CCDC3: variants seen among roughly 807,000 people sequenced by gnomAD.
The protein encoded by CCDC3 is coiled-coil domain containing 3, also known as coiled-coil domain-containing protein 3.
In CCDC3, 24 loss-of-function variants were observed where a neutral mutation model predicts 21.4. That is an observed-to-expected ratio of 1.12 (90% CI 0.81 to 1.58). The LOEUF (loss-of-function observed/expected upper bound fraction) is 1.58. Among genes scored for constraint, CCDC3 ranks in the 40% most tolerant of loss-of-function variants. CCDC3 has a pLI of 0.00. For synonymous variants in CCDC3, 186 were observed against 166.0 expected, an observed-to-expected ratio of 1.12 and a Z score of -0.93; for missense variants, 425 against 360.9, an observed-to-expected ratio of 1.18 and a Z score of -1.44.
At position 12,942,719 on chromosome 10, in the gene CCDC3, C is replaced by G. The variant is rs74118930; in HGVS notation, c.550-44040G>C. Among the ~76,000 whole-genome samples the G allele has an allele frequency of 2.1e-3, 326 of 152,298 alleles. 1 individual carries two copies. Among genetic ancestry groups the G allele is most frequent in the African/African-American group, 7.3e-3 (302 of 41,556 alleles). ...ACACCTGGTCCTACCAATCTTTTGTCCCCTGTGTAAATCAGACACTGCCTC... is the reference window on the plus strand; with the variant it reads ...ACACCTGGTCCTACCAATCTTTTGTGCCCTGTGTAAATCAGACACTGCCTC... On this transcript the variant is annotated intron_variant, in intron 2 of 2. Coordinates refer to ENST00000378825, the MANE Select transcript of CCDC3 (RefSeq NM_031455.4).
rs376808222 is a variant in CCDC3 at position 13,084,786 on chromosome 10, G to C, written c.-502-10686C>G. ...TACAGAGGTCTGAAGATGTGGGGAG[G>C]AGGTGAGCAAAGCCATGAGAAGGAG... On this transcript the variant is annotated intron_variant, in intron 3 of 6. Transcript: ENST00000378839. Among the ~76,000 whole-genome samples the C allele has an allele frequency of 1.4e-4, 21 of 152,272 alleles. No individual in the cohort carries two copies. In the East Asian group the frequency reaches 2.9e-3, roughly 21 times the overall value.
intron 2 of CCDC3, among the ~76,000 whole-genome samples, chr10:12,935,703 T>C (rs1248561067): frequency 6.6e-6 from 1 of 151,796 alleles, no homozygotes; most frequent in Non-Finnish European, 1.5e-5. Flanking sequence ...TCTTGCTCTG[T>C]TGCCGAGGCT....
chr10:13,090,034 G>GATAGATAGATAGATAGATAGATAGATAT (rs1259341208), intron 3 of CCDC3, among the ~76,000 whole-genome samples: 3 of 129,158 alleles, frequency 2.3e-5, no homozygotes, highest in African/African-American at 9.1e-5. Context: ...TATTCCGTTA[G>GATAGATAGATAGATAGATAGATAGATAT]ATATATATAT....
At chr10:13,093,987 C>T (rs1832604594) in intron 3 of CCDC3, among the ~76,000 whole-genome samples, 1 of 152,082 alleles carries the variant, frequency 6.6e-6, no homozygotes, top group Non-Finnish European at 1.5e-5. Flanking sequence ...CCAGCTCTGG[C>T]TAATTAATAC....
intron 3 of CCDC3, among the ~76,000 whole-genome samples, chr10:13,086,234 G>A (rs1340149716): frequency 6.6e-6 from 1 of 152,108 alleles, no homozygotes; most frequent in Admixed American, 6.6e-5. Flanking sequence ...CTTTTACTTG[G>A]TAAATACTTC....
intron 2 of CCDC3, among the ~76,000 whole-genome samples, chr10:12,924,150 G>A (rs1834497377): frequency 6.6e-6 from 1 of 152,170 alleles, no homozygotes; most frequent in Non-Finnish European, 1.5e-5. Context: ...TGAGTTATGG[G>A]GGACCCTTCC....
At chr10:13,044,798 G>A (rs644746) in intron 5 of CCDC3, among the ~76,000 whole-genome samples, 151,442 of 152,326 alleles carry the variant, frequency 0.99, 75,281 homozygotes, top group Middle Eastern at 1. Flanking sequence ...AAATTTTAGA[G>A]TAGCTTTTTT....
intron 4 of CCDC3, among the ~76,000 whole-genome samples, chr10:13,073,437 A>G (rs1438610390): frequency 6.6e-6 from 1 of 152,136 alleles, no homozygotes; most frequent in African/African-American, 2.4e-5. Context: ...CAGCTTCTAA[A>G]TGGAGAAAAC....
chr10:12,976,642 A>T (rs1210203051), intron 2 of CCDC3, among the ~76,000 whole-genome samples: 1 of 152,262 alleles, frequency 6.6e-6, no homozygotes, highest in African/African-American at 2.4e-5. Context: ...GCAGGCCTCT[A>T]AATAGGCCCT....
At position 13,089,022 on chromosome 10, in the gene CCDC3, A is replaced by G. The variant is rs557218298; in HGVS notation, c.-503+9503T>C. 5.3e-5 allele frequency among the ~76,000 whole-genome samples: 8 copies of G among 151,960 alleles called. No homozygotes were observed. The South Asian group carries it at 1.5e-3, about 28-fold the overall frequency. ...GAGACTGTCTCAAAAAAAAAAAAAA[A>G]TAAAAGAAGAAAGAAATATTAACTG... On this transcript the variant is annotated intron_variant, in intron 3 of 6. Transcript: ENST00000378839.
At chr10:12,965,543 T>C (rs1423798030) in intron 2 of CCDC3, among the ~76,000 whole-genome samples, 1 of 152,204 alleles carries the variant, frequency 6.6e-6, no homozygotes, top group Non-Finnish European at 1.5e-5. Context: ...TTTTTGAGTG[T>C]ACGTAAGAGA....
intron 2 of CCDC3, among the ~76,000 whole-genome samples, chr10:12,929,484 A>G (rs1261689041): frequency 6.6e-6 from 1 of 151,678 alleles, no homozygotes; most frequent in East Asian, 1.9e-4. Context: ...TGGCTCTAAC[A>G]CTCTCCCTGT....
chr10:13,022,506 G>A (rs1227348054), intron 5 of CCDC3, among the ~76,000 whole-genome samples: 1 of 152,130 alleles, frequency 6.6e-6, no homozygotes. Flanking sequence ...AAATGCAGTG[G>A]TATTAGGTTG....
intron 5 of CCDC3, among the ~76,000 whole-genome samples, chr10:13,016,216 C>T (rs758281791): frequency 7.7e-4 from 117 of 151,960 alleles, no homozygotes; most frequent in Admixed American, 1.3e-3. Flanking sequence ...AAATTCCCCT[C>T]CCATAGAGTT....
chr10:12,929,843 G>T (rs987716322), intron 2 of CCDC3, among the ~76,000 whole-genome samples: 12 of 152,176 alleles, frequency 7.9e-5, no homozygotes, highest in South Asian at 2.1e-4. Context: ...TAAATGAGAG[G>T]TGTTTGAAAA....
intron 2 of CCDC3, among the ~76,000 whole-genome samples, chr10:12,937,368 C>A (rs994396664): frequency 6.6e-6 from 1 of 152,072 alleles, no homozygotes; most frequent in African/African-American, 2.4e-5. Flanking sequence ...AGTATGTGTG[C>A]GGTTATCAAG....
upstream of CCDC3, among the ~76,000 whole-genome samples, chr10:13,003,543 G>A (rs1564316794): frequency 6.6e-6 from 1 of 152,198 alleles, no homozygotes; most frequent in Non-Finnish European, 1.5e-5. Flanking sequence ...GAAAACCTTA[G>A]CAGAGTCACC....
chr10:12,913,892 T>C (rs535483342), intron 2 of CCDC3, among the ~76,000 whole-genome samples: 1 of 152,358 alleles, frequency 6.6e-6, no homozygotes, highest in South Asian at 2.1e-4. Flanking sequence ...CATTTATAGA[T>C]TAGTGTATGT....
At chr10:12,991,393 T>A (rs970881235) in intron 2 of CCDC3, among the ~76,000 whole-genome samples, 1 of 152,122 alleles carries the variant, frequency 6.6e-6, no homozygotes, top group Non-Finnish European at 1.5e-5. Context: ...TGATCTCAGA[T>A]CACTGCAACC....
Sources: gnomAD v4.1 joint callset for allele counts (sites outside exome capture counted in the v4.1 genomes callset) on GRCh38, gnomAD v4.1.1 for gene constraint, MANE v1.5 for transcripts, NCBI Gene and HGNC (gene_info 2026-07-23, HGNC 2026-07-21) for gene names.